The following LPP variants were observed in gnomAD, a reference collection of about 807,000 sequenced individuals.
LPP encodes the protein LIM domain containing preferred translocation partner in lipoma, also known as lipoma-preferred partner.
LPP carries 38 observed loss-of-function variants against 60.4 expected under a neutral mutation model. The ratio of observed to expected loss-of-function variants is 0.63; its 90% confidence interval spans 0.49 to 0.83. LPP has a LOEUF of 0.83. LPP is among the 40% of genes least tolerant of loss of function. The probability of loss-of-function intolerance (pLI) is 0.00; values close to 1 mark genes in which losing one functional copy is unlikely to be tolerated. For missense variants in LPP, 902 were observed against 783.6 expected (o/e 1.15, Z -1.80); for synonymous variants, 328 against 290.8 (o/e 1.13, Z -1.30).
intron 2 of LPP, among the ~76,000 whole-genome samples, chr3:188,272,370 A>G (rs1738060441): frequency 6.6e-6 from 1 of 152,208 alleles, no homozygotes; most frequent in South Asian, 2.1e-4. Flanking sequence ...TTTAACGGCA[A>G]ACAGAACAAA....
intron 8 of LPP, among the ~76,000 whole-genome samples, chr3:188,721,362 G>C (rs914753379): frequency 6.6e-6 from 1 of 152,008 alleles, no homozygotes; most frequent in Non-Finnish European, 1.5e-5. Flanking sequence ...ACCAACCCAG[G>C]CAACAGAGTG....
intron 2 of LPP, among the ~76,000 whole-genome samples, chr3:188,272,342 G>T (rs1433030895): frequency 6.6e-6 from 1 of 152,182 alleles, no homozygotes; most frequent in East Asian, 1.9e-4. Flanking sequence ...CTTGTAAAAA[G>T]ACCGTGCCAT....
At chr3:188,240,054 T>A (rs570231978) in intron 2 of LPP, 2 of 197,456 alleles carry the variant, frequency 1.0e-5, no homozygotes, top group Admixed American at 6.0e-5. Flanking sequence ...CTTGAGCACC[T>A]AGATCTCTGG....
chr3:188,451,053 TG>T (rs1660717757), intron 4 of LPP, among the ~76,000 whole-genome samples: 1 of 152,180 alleles, frequency 6.6e-6, no homozygotes, highest in Admixed American at 6.5e-5. Context: ...TTTTGTTTTT[TG>T]TTTTTGTTTT....
intron 3 of LPP, among the ~76,000 whole-genome samples, chr3:188,392,605 C>T (rs955036776): frequency 1.3e-5 from 2 of 152,172 alleles, no homozygotes; most frequent in South Asian, 2.1e-4. Flanking sequence ...AATCACAGTA[C>T]AACTCACAGG....
chr3:188,441,609 C>CTTTCTTTTTTTT (rs1793886236), intron 4 of LPP, among the ~76,000 whole-genome samples: 15 of 55,672 alleles, frequency 2.7e-4, no homozygotes, highest in East Asian at 6.5e-4. Context: ...CTTTTCTTTT[C>CTTTCTTTTTTTT]TTTTTTTTTT....
chr3:188,226,707 A>G (rs1216227084), intron 2 of LPP, among the ~76,000 whole-genome samples: 1 of 152,184 alleles, frequency 6.6e-6, no homozygotes, highest in African/African-American at 2.4e-5. Flanking sequence ...TGTACTGAGT[A>G]ATTAATACAC....
intron 9 of LPP, among the ~76,000 whole-genome samples, chr3:188,797,764 A>G (rs1745802609): frequency 6.6e-6 from 1 of 152,184 alleles, no homozygotes; most frequent in Admixed American, 6.5e-5. Flanking sequence ...ATATTAATTT[A>G]TATAGCTATG....
intron 8 of LPP, among the ~76,000 whole-genome samples, chr3:188,754,146 T>G (rs185142513): frequency 6.6e-6 from 1 of 152,320 alleles, no homozygotes; most frequent in Non-Finnish European, 1.5e-5. Flanking sequence ...TGTCTAAGGC[T>G]ACAGAAGAGC....
At chr3:188,476,403 A>G (rs1406465643) in intron 4 of LPP, among the ~76,000 whole-genome samples, 2 of 152,158 alleles carry the variant, frequency 1.3e-5, no homozygotes, top group Non-Finnish European at 1.5e-5. Flanking sequence ...TTTGCATTAC[A>G]TTGCTTTGTG....
At chr3:188,694,316 A>T (rs1862738756) in intron 7 of LPP, among the ~76,000 whole-genome samples, 1 of 152,166 alleles carries the variant, frequency 6.6e-6, no homozygotes, top group African/African-American at 2.4e-5. Context: ...TACTATTTTA[A>T]GATTTAACAT....
chr3:188,861,649 CTTCTGCCTGTGAGTTA>C (rs1246249967), intron 9 of LPP, among the ~76,000 whole-genome samples: 1 of 152,064 alleles, frequency 6.6e-6, no homozygotes, highest in African/African-American at 2.4e-5. Flanking sequence ...TTCTTCAGCT[CTTCTGCCTGTGAGTTA>C]CAAGTTATTT....
Position 188,613,903 on chromosome 3 carries a change from TTTTATTTA to T in LPP, c.1113+4091_1113+4098del, listed in dbSNP as rs55728018. On this transcript the variant is annotated intron_variant, in intron 7 of 11. Coordinates refer to ENST00000617246, the MANE Select transcript of LPP (RefSeq NM_001375462.1). Reference sequence around the variant, plus strand: ...AGTAGTATGAGAATATTTAAATTAATTTTATTTATTTATTTATTTATTTATTTATTTAT... The same window carrying T: ...AGTAGTATGAGAATATTTAAATTAATTTTATTTATTTATTTATTTATTTAT... Among the ~76,000 whole-genome samples, 420 of 142,618 alleles carry T rather than the reference TTTTATTTA, an allele frequency of 2.9e-3. 5 individuals are homozygous for T. The highest frequency in any genetic ancestry group is 8.2e-3 in the African/African-American group (316 of 38,766). 93.6% of individuals were successfully genotyped at this position (142,618 alleles called of 152,430 possible). A position where few individuals can be genotyped will look rare whatever the true frequency, so the allele number is the denominator to read the frequency against.
At position 188,384,789 on chromosome 3, in the gene LPP, C is replaced by CA. The variant is rs561284077; in HGVS notation, c.-9-21287dup. ...TGGGCGACAGAGCGAGACTCTGTCT[C>CA]AAAAAAAAAAAAAAAAAAAAAAAAA... On this transcript the variant is annotated intron_variant, in intron 3 of 11. Coordinates refer to ENST00000617246, the MANE Select transcript of LPP (RefSeq NM_001375462.1). Among the ~76,000 whole-genome samples, 37 of 51,448 alleles carry CA rather than the reference C, an allele frequency of 7.2e-4. 2 individuals carry two copies. The highest frequency in any genetic ancestry group is 2.9e-3 in the African/African-American group (36 of 12,594). 33.8% of individuals were successfully genotyped at this position (51,448 alleles called of 152,430 possible).
chr3:188,493,231 G>T (rs998657220), intron 5 of LPP, among the ~76,000 whole-genome samples: 7 of 152,070 alleles, frequency 4.6e-5, no homozygotes, highest in Non-Finnish European at 7.4e-5. Flanking sequence ...CTTCAGTATT[G>T]TACCAAGATT....
At chr3:188,192,864 G>A (rs1287715671) in intron 1 of LPP, among the ~76,000 whole-genome samples, 1 of 152,230 alleles carries the variant, frequency 6.6e-6, no homozygotes, top group Non-Finnish European at 1.5e-5. Flanking sequence ...TCTTGCTCCA[G>A]GCGTCGGCAG....
intron 1 of LPP, among the ~76,000 whole-genome samples, chr3:188,189,911 G>T (rs1201935829): frequency 1.3e-5 from 2 of 151,954 alleles, no homozygotes; most frequent in African/African-American, 4.8e-5. Flanking sequence ...ATGAGAGGAG[G>T]TATTGGGGGA....
intron 9 of LPP, among the ~76,000 whole-genome samples, chr3:188,842,030 C>T (rs1180725081): frequency 2.6e-5 from 4 of 152,134 alleles, no homozygotes; most frequent in Non-Finnish European, 5.9e-5. Flanking sequence ...TTTGAATACC[C>T]TTTATTTGTT....
intron 2 of LPP, among the ~76,000 whole-genome samples, chr3:188,297,294 C>T (rs917519583): frequency 2.0e-5 from 3 of 152,174 alleles, no homozygotes; most frequent in African/African-American, 7.2e-5. Flanking sequence ...CCCCTCAGTG[C>T]CAAATTTTGG....
Sources: allele counts gnomAD v4.1 joint callset (sites outside exome capture counted in the v4.1 genomes callset), GRCh38; gene constraint gnomAD v4.1.1; transcripts MANE v1.5; gene names NCBI Gene and HGNC (gene_info 2026-07-23, HGNC 2026-07-21).